The following BNC2 variants were observed in gnomAD, a reference collection of about 807,000 sequenced individuals.
BNC2 encodes zinc finger protein basonuclin-2.
BNC2 carries 20 observed loss-of-function variants against 76.3 expected under a neutral mutation model. The observed-to-expected ratio is 0.26, with a 90% CI of 0.18 to 0.38. BNC2 has a LOEUF of 0.38. Among genes scored for constraint, BNC2 ranks in the 10% least tolerant of loss-of-function variants. The pLI is 1.00. For missense variants in BNC2, 1,382 were observed against 1,399.8 expected (o/e 0.99, Z 0.20); for synonymous variants, 582 against 514.8 (o/e 1.13, Z -1.77).
intron 5 of BNC2, among the ~76,000 whole-genome samples, chr9:16,532,895 C>T (rs917591590): frequency 6.6e-6 from 1 of 152,176 alleles, no homozygotes; most frequent in Non-Finnish European, 1.5e-5. Context: ...ATATTTTCAC[C>T]AGAGAAATCA....
intron 5 of BNC2, among the ~76,000 whole-genome samples, chr9:16,465,300 G>C (rs1307731494): frequency 1.3e-5 from 2 of 152,064 alleles, no homozygotes; most frequent in Non-Finnish European, 2.9e-5. Flanking sequence ...GCCAGGTGTG[G>C]TGGCAGGCGC....
intron 5 of BNC2, among the ~76,000 whole-genome samples, chr9:16,548,778 C>T (rs1818567364): frequency 6.6e-6 from 1 of 152,142 alleles, no homozygotes; most frequent in African/African-American, 2.4e-5. Flanking sequence ...ATTGCATATT[C>T]CCATTTTTGT....
At chr9:16,812,351 C>T (rs1586903867) in intron 1 of BNC2, among the ~76,000 whole-genome samples, 1 of 152,218 alleles carries the variant, frequency 6.6e-6, no homozygotes, top group South Asian at 2.1e-4. Context: ...TGTTAAAACA[C>T]TTGGGAGTCT....
At chr9:16,748,243 A>C (rs1345854038) in intron 1 of BNC2, among the ~76,000 whole-genome samples, 2 of 152,150 alleles carry the variant, frequency 1.3e-5, no homozygotes, top group Admixed American at 1.3e-4. Context: ...TCTGGGTGTG[A>C]TGGCTCACGC....
intron 3 of BNC2, among the ~76,000 whole-genome samples, chr9:16,716,423 T>A (rs1416819845): frequency 6.6e-6 from 1 of 152,198 alleles, no homozygotes; most frequent in African/African-American, 2.4e-5. Flanking sequence ...CAGATGTCTA[T>A]GACACAGTCA....
chr9:16,419,584 T>C lies in BNC2; in HGVS notation c.2705A>G (p.Asp902Gly). 6.3e-7 allele frequency: 1 copy of C among 1,596,470 alleles called. No individual in the cohort carries two copies. The highest frequency in any genetic ancestry group is 8.5e-7 in the Non-Finnish European group (1 of 1,170,784). ...CTTGCTAAGGGAGGGCTGCGACGAGTCCAGGCCCATGTCATCGAGTTCTTT... is the reference window on the plus strand; with the variant it reads ...CTTGCTAAGGGAGGGCTGCGACGAGCCCAGGCCCATGTCATCGAGTTCTTT... ...LTKELDDMGLDSSQPSLSKDL... is the reference protein window; with the variant it reads ...LTKELDDMGLGSSQPSLSKDL... The change falls in exon 7 of 7, where the codon GAC becomes GGC. Residue 902 changes from aspartate (D) to glycine (G), a missense_variant. By Grantham distance (94) the Asp-to-Gly change is moderately conservative. Around this residue, in one of 3 missense-constraint regions of BNC2, gnomAD observed 798 missense variants for 775.5 expected, o/e 1.03. Coordinates refer to ENST00000380672, the MANE Select transcript of BNC2 (RefSeq NM_017637.6).
At chr9:16,438,921 T>C (rs1821073574) in intron 5 of BNC2, among the ~76,000 whole-genome samples, 1 of 152,040 alleles carries the variant, frequency 6.6e-6, no homozygotes, top group Non-Finnish European at 1.5e-5. Context: ...CCCACCCAAA[T>C]CTCATCTTGA....
rs897846092 is a variant in BNC2 at position 16,598,554 on chromosome 9, C to T, written c.331-15469G>A. Among the ~76,000 whole-genome samples the T allele has an allele frequency of 4.6e-5, 7 of 152,258 alleles. No individual in the cohort carries two copies. The East Asian group carries it at 1.2e-3, about 25-fold the overall frequency. ...CTTGGCTGTGGCAGAATGAACTCAC[C>T]ACTACGGGGAAGAGACGTTTTGGAT... On this transcript the variant is annotated intron_variant, in intron 3 of 6. Coordinates refer to ENST00000380672, the MANE Select transcript of BNC2 (RefSeq NM_017637.6).
chr9:16,795,631 C>T (rs993009739), intron 1 of BNC2, among the ~76,000 whole-genome samples: 4 of 152,260 alleles, frequency 2.6e-5, no homozygotes, highest in Admixed American at 6.5e-5. Flanking sequence ...GGCTCACACA[C>T]ACTGCTCCAG....
At chr9:16,789,624 T>C (rs555870521) in intron 1 of BNC2, among the ~76,000 whole-genome samples, 102 of 152,344 alleles carry the variant, frequency 6.7e-4, no homozygotes, top group African/African-American at 2.4e-3. Context: ...ACTCAGGCTA[T>C]GTGTTTGATA....
chr9:16,813,041 T>G (rs1412758315), intron 1 of BNC2, among the ~76,000 whole-genome samples: 1 of 151,984 alleles, frequency 6.6e-6, no homozygotes, highest in Non-Finnish European at 1.5e-5. Context: ...AAACCCTGTC[T>G]CTACTAAAAA....
chr9:16,520,123 C>A (rs527813708), intron 5 of BNC2, among the ~76,000 whole-genome samples: 1 of 152,202 alleles, frequency 6.6e-6, no homozygotes, highest in Non-Finnish European at 1.5e-5. Flanking sequence ...TAAATGCACA[C>A]GCACAGTAGT....
At chr9:16,742,509 AC>A (rs1656220192) in intron 1 of BNC2, among the ~76,000 whole-genome samples, 1 of 151,994 alleles carries the variant, frequency 6.6e-6, no homozygotes, top group South Asian at 2.1e-4. Flanking sequence ...CGCCAGAGTC[AC>A]CTTAGGGACA....
chr9:16,743,913 T>C (rs562301038), intron 1 of BNC2, among the ~76,000 whole-genome samples: 57 of 152,260 alleles, frequency 3.7e-4, no homozygotes, highest in African/African-American at 1.3e-3. Context: ...TATTCTCGGT[T>C]TTTTTCCCCT....
intron 5 of BNC2, among the ~76,000 whole-genome samples, chr9:16,541,368 G>A (rs190801036): frequency 6.6e-6 from 1 of 152,342 alleles, no homozygotes; most frequent in African/African-American, 2.4e-5. Context: ...ATTCAGAATT[G>A]AAAAGCTCCC....
chr9:16,574,559 G>A (rs1397089749), intron 4 of BNC2, among the ~76,000 whole-genome samples: 1 of 152,046 alleles, frequency 6.6e-6, no homozygotes, highest in African/African-American at 2.4e-5. Flanking sequence ...TTCACCTACG[G>A]AACACTTGGT....
At chr9:16,600,797 GT>G (rs377401946) in intron 3 of BNC2, among the ~76,000 whole-genome samples, 24 of 152,252 alleles carry the variant, frequency 1.6e-4, no homozygotes, top group African/African-American at 5.8e-4. Context: ...CATGAATAAA[GT>G]TAGTTTGTGT....
intron 5 of BNC2, among the ~76,000 whole-genome samples, chr9:16,509,601 G>A (rs1431417136): frequency 6.6e-6 from 1 of 152,204 alleles, no homozygotes; most frequent in African/African-American, 2.4e-5. Context: ...TAAACTGAGA[G>A]TAAGTCAAAG....
At position 16,436,222 on chromosome 9, in the gene BNC2, C is replaced by G. The variant is rs150371741; in HGVS notation, c.1972G>C (p.Asp658His). 12 of 1,614,168 alleles carry G rather than the reference C, an allele frequency of 7.4e-6. No homozygotes were observed. The highest frequency in any genetic ancestry group is 3.3e-5 in the South Asian group (3 of 91,080). The change falls in exon 6 of 7, where the codon GAT (aspartate) becomes CAT (histidine). Residue 658 changes from aspartate (D) to histidine (H), a missense_variant. Asp to His is a moderately conservative substitution (Grantham distance 81). This residue lies in a region of BNC2 where 798 missense variants were observed against 775.5 expected (regional missense o/e 1.03). Transcript: ENST00000380672. ...ACAGCTCCACCATCATTGGGGTCAT[C>G]ATCTTCATCATCAAACTCATCGGCG... ...DTADEFDDED[D>H]DPNDGGAVVN...
Sources: allele counts gnomAD v4.1 joint callset (sites outside exome capture counted in the v4.1 genomes callset), GRCh38; gene constraint gnomAD v4.1.1; regional missense constraint gnomAD v4.1.1; transcripts MANE v1.5; gene names NCBI Gene and HGNC (gene_info 2026-07-23, HGNC 2026-07-21).